CHLSN: variants seen among roughly 807,000 people sequenced by gnomAD.
The protein encoded by CHLSN is protein cholesin.
the CHLSN span, among the ~76,000 whole-genome samples, chr7:1,021,854 G>A: frequency 3.9e-5 from 6 of 152,244 alleles, no homozygotes; most frequent in Non-Finnish European, 4.4e-5. Context: ...GCGCCCTTCC[G>A]CGGGGCGAGG....
At chr7:1,057,512 C>T in the CHLSN span, 336 of 764,220 alleles carry the variant, frequency 4.4e-4, 1 homozygote, top group Non-Finnish European at 5.9e-4. Flanking sequence ...CCTCGCCGGC[C>T]GCCATGTGGA....
the CHLSN span, chr7:1,043,355 A>G: frequency 6.6e-6 from 1 of 152,266 alleles, no homozygotes; most frequent in African/African-American, 2.4e-5. Flanking sequence ...CAGTGGGCAG[A>G]GGGCCTTCTT....
chr7:1,078,341 C>G, the CHLSN span, among the ~76,000 whole-genome samples: 1 of 142,788 alleles, frequency 7.0e-6, no homozygotes, highest in Non-Finnish European at 1.6e-5. Flanking sequence ...TTTCCACCAG[C>G]TGCGGGGTGG....
chr7:1,135,162 C>A, the CHLSN span, among the ~76,000 whole-genome samples: 140 of 152,138 alleles, frequency 9.2e-4, 2 homozygotes, highest in Non-Finnish European at 1.5e-3. Flanking sequence ...TCCTTGAACA[C>A]TGAAGGACCC....
chr7:1,070,200 CCATCTGGGAAGTGAGGAG>C, the CHLSN span, among the ~76,000 whole-genome samples: 1 of 135,098 alleles, frequency 7.4e-6, no homozygotes, highest in Admixed American at 7.1e-5. Context: ...GGCAGCCACC[CCATCTGGGAAGTGAGGAG>C]CGTCTCCGCC....
chr7:1,087,859 A>G, the CHLSN span, among the ~76,000 whole-genome samples: 2 of 152,242 alleles, frequency 1.3e-5, no homozygotes, highest in Admixed American at 1.3e-4. Context: ...AAGATACACA[A>G]CACCTAGTAT....
the CHLSN span, among the ~76,000 whole-genome samples, chr7:1,077,112 G>A: frequency 6.6e-6 from 1 of 152,232 alleles, no homozygotes; most frequent in Non-Finnish European, 1.5e-5. Flanking sequence ...AAAGGCCTGA[G>A]CACTTTTCCC....
the CHLSN span, among the ~76,000 whole-genome samples, chr7:1,070,510 T>A: frequency 4.8e-5 from 7 of 145,610 alleles, no homozygotes; most frequent in African/African-American, 1.8e-4. Context: ...CGCGCACACA[T>A]GCACACATGC....
At chr7:1,021,378 T>C in the CHLSN span, 27 of 985,346 alleles carry the variant, frequency 2.7e-5, no homozygotes, top group Non-Finnish European at 7.2e-6. Flanking sequence ...GAGATGATAT[T>C]GCGGATTTCA....
chr7:1,058,587 CA>C, the CHLSN span: 1 of 669,592 alleles, frequency 1.5e-6, no homozygotes. Context: ...GGACGCTCCC[CA>C]CATCCTTCCA....
the CHLSN span, among the ~76,000 whole-genome samples, chr7:1,111,946 G>A: frequency 6.6e-6 from 1 of 152,178 alleles, no homozygotes; most frequent in Non-Finnish European, 1.5e-5. Context: ...GTCATTTCAC[G>A]GTGGCAGAAT....
chr7:1,033,973 G>A, the CHLSN span, among the ~76,000 whole-genome samples: 5 of 152,238 alleles, frequency 3.3e-5, no homozygotes, highest in Non-Finnish European at 7.3e-5. Flanking sequence ...GGGGCCACAG[G>A]CAGGAAAAGG....
the CHLSN span, among the ~76,000 whole-genome samples, chr7:1,032,171 C>T: frequency 6.6e-6 from 1 of 152,194 alleles, no homozygotes; most frequent in Non-Finnish European, 1.5e-5. Context: ...AGATGGGCCC[C>T]AGATCCAGAG....
At chr7:1,118,371 A>G in the CHLSN span, among the ~76,000 whole-genome samples, 1 of 152,222 alleles carries the variant, frequency 6.6e-6, no homozygotes, top group Non-Finnish European at 1.5e-5. Context: ...TGACAATAGA[A>G]TTAGAAAGCT....
At chr7:1,134,070 T>A in the CHLSN span, among the ~76,000 whole-genome samples, 3 of 152,030 alleles carry the variant, frequency 2.0e-5, no homozygotes, top group Non-Finnish European at 1.5e-5. Context: ...CTGCTGGGAT[T>A]GCAGGCGTGA....
At chr7:1,129,575 A>G in the CHLSN span, among the ~76,000 whole-genome samples, 2 of 152,212 alleles carry the variant, frequency 1.3e-5, no homozygotes, top group African/African-American at 4.8e-5. Context: ...CCTCCTGAGC[A>G]GCTGTAACCA....
the CHLSN span, among the ~76,000 whole-genome samples, chr7:994,163 G>T: frequency 0.59 from 89,876 of 152,026 alleles, 28,554 homozygotes; most frequent in African/African-American, 0.84. Flanking sequence ...TTATTTTTAT[G>T]TATTTATTTT....
chr7:1,007,428 G>A, the CHLSN span, among the ~76,000 whole-genome samples: 2 of 152,222 alleles, frequency 1.3e-5, no homozygotes, highest in African/African-American at 4.8e-5. Context: ...CCCCCAGGCT[G>A]AGGACACTCC....
At chr7:1,088,203 C>A in the CHLSN span, 1 of 152,264 alleles carries the variant, frequency 6.6e-6, no homozygotes, top group Non-Finnish European at 1.5e-5. The surrounding 1 kb of genome is among the most constrained non-coding windows in gnomAD (Gnocchi z 4.5). Flanking sequence ...TCTAGCCCTG[C>A]TCAGGCATTC....
Sources: gnomAD v4.1 joint callset for allele counts (sites outside exome capture counted in the v4.1 genomes callset) on GRCh38, gnomAD v4.1.1 for gene constraint, Gnocchi (gnomAD v3.1) non-coding constraint, MANE v1.5 for transcripts, NCBI Gene and HGNC (gene_info 2026-07-23, HGNC 2026-07-21) for gene names.